MX1: variants seen among roughly 807,000 people sequenced by gnomAD.
MX1 encodes interferon-induced GTP-binding protein Mx1.
MX1 carries 66 observed loss-of-function variants against 66.4 expected under a neutral mutation model. The ratio of observed to expected loss-of-function variants is 0.99; its 90% CI spans 0.82 to 1.22. MX1 has a LOEUF of 1.22. Among genes scored for constraint, MX1 ranks in the 50% most tolerant of loss-of-function variants. The pLI, the probability that MX1 is intolerant of heterozygous loss-of-function variation, is 0.00. For synonymous variants in MX1, 311 were observed against 318.1 expected, an observed-to-expected ratio of 0.98 and a Z score of 0.24; for missense variants, 787 against 834.3, an observed-to-expected ratio of 0.94 and a Z score of 0.70.
upstream of MX1, among the ~76,000 whole-genome samples, chr21:41,421,547 T>C (rs1454938655): frequency 2.0e-5 from 3 of 152,212 alleles, no homozygotes; most frequent in Non-Finnish European, 4.4e-5. Flanking sequence ...CCTTCCGCAG[T>C]GTTTGTGTCC....
chr21:41,437,472 C>A (rs1170586125), intron 7 of MX1, among the ~76,000 whole-genome samples: 3 of 123,024 alleles, frequency 2.4e-5, no homozygotes, highest in Admixed American at 7.6e-5. Context: ...GACCCCGTCT[C>A]TTAAAAAAAA....
Position 41,440,934 on chromosome 21 carries a change from C to T in MX1, c.639C>T (p.Ser213=). 1.9e-6 allele frequency: 3 copies of T among 1,614,206 alleles called. No homozygotes were observed. The highest frequency in any genetic ancestry group is 1.1e-5 in the South Asian group (1 of 91,086). ...ACATCCAGAGGCAGGAGACAATCAGCCTGGTGGTGGTCCCCAGTAATGTGG... is the reference window on the plus strand; with the variant it reads ...ACATCCAGAGGCAGGAGACAATCAGTCTGGTGGTGGTCCCCAGTAATGTGG... ...KKYIQRQETI[S]LVVVPSNVDI... Residue 213 remains serine (S), a synonymous_variant, in exon 9 of 17, where the codon AGC becomes AGT. Coordinates refer to ENST00000398598, the MANE Select transcript of MX1 (RefSeq NM_002462.5).
chr21:41,440,986 A>G lies in MX1; in HGVS notation c.691A>G (p.Met231Val), dbSNP rs1264308680. Residue 231 changes from methionine to valine, a missense_variant, in exon 9 of 17, where the codon ATG (methionine) becomes GTG (valine). Met to Val is a conservative substitution (Grantham distance 21, BLOSUM62 1). Transcript: ENST00000398598. ...VDIATTEALS[M>V]AQEVDPEGDR... Reference sequence around the variant, plus strand: ...CATCGCCACCACAGAGGCTCTCAGCATGGCCCAGGAGGTGGACCCCGAGGG... The same window carrying G: ...CATCGCCACCACAGAGGCTCTCAGCGTGGCCCAGGAGGTGGACCCCGAGGG... 6.2e-7 allele frequency: 1 copy of G among 1,614,204 alleles called. No homozygotes were observed. The highest frequency in any genetic ancestry group is 1.1e-5 in the South Asian group (1 of 91,084).
Position 41,441,055 on chromosome 21 carries a change from G to GTGAGAATGGGGGAGCCCGCCTGTGCTCGT in MX1, c.730+58_730+59insTTGAGAATGGGGGAGCCCGCCTGTGCTCG. 3.2e-5 allele frequency: 48 copies of GTGAGAATGGGGGAGCCCGCCTGTGCTCGT among 1,504,008 alleles called. 14 individuals carry two copies. Among genetic ancestry groups the GTGAGAATGGGGGAGCCCGCCTGTGCTCGT allele is most frequent in the Admixed American group, 5.4e-5 (3 of 55,778 alleles). The allele number at this position is 1,504,008 out of a possible 1,614,324, so 93.2% of individuals were successfully genotyped here. A position where few individuals can be genotyped will look rare whatever the true frequency, so the allele number is the denominator to read the frequency against. The stretch of plus-strand genomic sequence containing the variant: ...GAGTGGGGGAGCCCCACTGTGCTCA[G>GTGAGAATGGGGGAGCCCGCCTGTGCTCGT]TGAGAATGGGGGAGCCCGCCTGTGC... On this transcript the variant is annotated intron_variant, in intron 9 of 16. Coordinates refer to ENST00000398598, the MANE Select transcript of MX1 (RefSeq NM_002462.5). The surrounding 1 kb of genome is among the most constrained non-coding windows in gnomAD (Gnocchi z 4.0).
chr21:41,436,028 C>A lies in MX1; in HGVS notation c.297C>A (p.Ser99Arg), dbSNP rs149433993. 34 of 1,613,678 alleles carry A rather than the reference C, an allele frequency of 2.1e-5. No homozygotes were observed. In the Admixed American group the frequency reaches 2.3e-4, roughly 11 times the overall value. Residue 99 changes from serine to arginine, a missense_variant and splice_region_variant, in exon 6 of 17, where the codon AGC (serine) becomes AGA (arginine). Transcript: ENST00000398598. Reference protein sequence around the residue: ...ALSGVALPRGSGIVTRCPLVL... With the variant: ...ALSGVALPRGRGIVTRCPLVL... ...CAGGAGTTGCCCTTCCCAGAGGCAGCGGTAAGAACTTACATTCTGTGTTAG... is the reference window on the plus strand; with the variant it reads ...CAGGAGTTGCCCTTCCCAGAGGCAGAGGTAAGAACTTACATTCTGTGTTAG...
Position 41,451,253 on chromosome 21 carries a change from A to C in MX1, c.1509+10A>C. 6.4e-7 allele frequency: 1 copy of C among 1,557,414 alleles called. No individual in the cohort carries two copies. Among genetic ancestry groups the C allele is most frequent in the Non-Finnish European group, 8.8e-7 (1 of 1,140,216 alleles). On this transcript the variant is annotated intron_variant, in intron 15 of 16. Transcript: ENST00000398598. ...CCACAGAACCGCCAAGGTAAAACCA[A>C]CCATGTGTTGTTTAAAAAAAAAAAA...
At chr21:41,449,952 C>G (rs2090778944) in intron 14 of MX1, among the ~76,000 whole-genome samples, 1 of 152,136 alleles carries the variant, frequency 6.6e-6, no homozygotes, top group Non-Finnish European at 1.5e-5. Context: ...AGTGCCCGGC[C>G]CCAATCCTGA....
At chr21:41,448,930 TTGTGTGTGTGTGTGTGTG>T (rs10528033) in intron 13 of MX1, among the ~76,000 whole-genome samples, 189 bp from the exon 14 acceptor site, 3,594 of 139,590 alleles carry the variant, frequency 0.026, 109 homozygotes, top group African/African-American at 0.076. Flanking sequence ...AGATCTGGTT[TTGTGTGTGTGTGTGTGTG>T]TGTGTGTGTG....
In MX1 at chr21:41,445,571, GTGAGTGTTGCCAGCTGCATGGAGC is replaced by G; in HGVS notation, c.1131+4_1131+27del. The stretch of plus-strand genomic sequence containing the variant: ...TGAAAAAATGTTCTTCCTGATAGAT[GTGAGTGTTGCCAGCTGCATGGAGC>G]TGGAGAAGCACATGTCATGGTCAAA... On this transcript the variant is annotated splice_donor_variant and splice_donor_5th_base_variant and intron_variant, in intron 12 of 16. Transcript: ENST00000398598. LOFTEE classifies it high-confidence loss of function. 6.2e-7 allele frequency: 1 copy of G among 1,614,160 alleles called. No homozygotes were observed. The highest frequency in any genetic ancestry group is 1.1e-5 in the South Asian group (1 of 91,082).
intron 8 of MX1, 42 bp downstream of exon 8, chr21:41,439,890 GA>G: frequency 3.0e-6 from 4 of 1,340,436 alleles, no homozygotes; most frequent in Middle Eastern, 2.1e-4. Context: ...GTGGCGTGGG[GA>G]TGGGGGAGTG....
At chr21:41,430,142 C>T (rs1348165970) in intron 3 of MX1, among the ~76,000 whole-genome samples, 1 of 151,932 alleles carries the variant, frequency 6.6e-6, no homozygotes, top group East Asian at 1.9e-4. Context: ...GGCATTGGCT[C>T]AGGTGTGCAG....
intron 10 of MX1, among the ~76,000 whole-genome samples, 186 bp downstream of exon 10, chr21:41,442,100 T>C (rs150642976): frequency 1.9e-4 from 29 of 148,846 alleles, no homozygotes; most frequent in East Asian, 2.0e-4. Flanking sequence ...CCTAGAAGAA[T>C]AGGAAGGGGA....
At chr21:41,429,282 A>G (rs2090146860) in intron 3 of MX1, 1 of 152,210 alleles carries the variant, frequency 6.6e-6, no homozygotes, top group Non-Finnish European at 1.5e-5. Context: ...GAAAGGTACA[A>G]ACGTTTATGG....
upstream of MX1, chr21:41,423,016 C>T (rs1443768427): frequency 3.3e-5 from 5 of 152,522 alleles, no homozygotes; most frequent in African/African-American, 1.2e-4. Context: ...CGGCAAGCCT[C>T]TTGTTCTCTG....
chr21:41,445,655 A>C, intron 12 of MX1, 85 bp downstream of exon 12: 5 of 1,565,530 alleles, frequency 3.2e-6, no homozygotes, highest in Non-Finnish European at 2.6e-6. Flanking sequence ...TTCCTTCTTC[A>C]CTCCCCCAAG....
intron 16 of MX1, among the ~76,000 whole-genome samples, chr21:41,454,315 G>A (rs2090908232): frequency 6.6e-6 from 1 of 152,084 alleles, no homozygotes; most frequent in Non-Finnish European, 1.5e-5. Flanking sequence ...TGGTTTGTGG[G>A]GTGTGTGTGA....
At chr21:41,433,956 G>A (rs1422566791) in intron 5 of MX1, among the ~76,000 whole-genome samples, 1 of 152,192 alleles carries the variant, frequency 6.6e-6, no homozygotes, top group Non-Finnish European at 1.5e-5. Flanking sequence ...TTGCTCCCTG[G>A]AACTTGTGGC....
chr21:41,449,486 G>A, intron 14 of MX1, 191 bp downstream of exon 14: 2 of 540,314 alleles, frequency 3.7e-6, no homozygotes, highest in Non-Finnish European at 6.4e-6. Context: ...CCCTCAGTCA[G>A]TGTGGACCCC....
intron 5 of MX1, 106 bp from the exon 6 acceptor site, chr21:41,435,731 T>G (rs1156396760): frequency 7.1e-6 from 9 of 1,263,700 alleles, no homozygotes; most frequent in Non-Finnish European, 8.9e-6. Context: ...GTAGGGATTA[T>G]GGGGATTACA....
Sources: gnomAD v4.1 joint callset for allele counts (sites outside exome capture counted in the v4.1 genomes callset) on GRCh38, gnomAD v4.1.1 for gene constraint, Gnocchi (gnomAD v3.1) non-coding constraint, MANE v1.5 for transcripts, NCBI Gene and HGNC (gene_info 2026-07-23, HGNC 2026-07-21) for gene names.